Variants in RGS9 observed in about 807,000 individuals in gnomAD.
The protein encoded by RGS9 is regulator of G-protein signalling 9.
A neutral mutation model predicts 102.0 loss-of-function variants in RGS9; 78 were observed. That is an observed-to-expected ratio of 0.76 (90% CI 0.64 to 0.92). RGS9 has a LOEUF of 0.92. Ranked by LOEUF, RGS9 falls within the 40% of genes least tolerant of loss-of-function variation. RGS9 has a pLI of 0.00. For missense variants in RGS9, 833 were observed against 866.1 expected (o/e 0.96, Z 0.48); for synonymous variants, 353 against 318.6 (o/e 1.11, Z -1.15).
chr17:65,180,627 G>C (rs1911845122), intron 9 of RGS9, among the ~76,000 whole-genome samples: 1 of 152,216 alleles, frequency 6.6e-6, no homozygotes. Context: ...TGGGATTACA[G>C]GCATGAACCA....
rs1166176822 is a variant in RGS9 at position 65,139,731 on chromosome 17, C to G, written c.57+2134C>G. ...CCTTCTCTGTGCACTACAGACCTTG[C>G]CACACCTCCAGCATTGCTCTTTCCC... On this transcript the variant is annotated intron_variant, in intron 1 of 18. Coordinates refer to ENST00000262406, the MANE Select transcript of RGS9 (RefSeq NM_003835.4). Among the ~76,000 whole-genome samples, 4 of 152,330 alleles carry G rather than the reference C, an allele frequency of 2.6e-5. No homozygotes were observed. The South Asian group carries it at 8.3e-4, about 32-fold the overall frequency.
chr17:65,167,063 T>G (rs1165705567), intron 7 of RGS9, among the ~76,000 whole-genome samples: 1 of 152,020 alleles, frequency 6.6e-6, no homozygotes, highest in Non-Finnish European at 1.5e-5. Flanking sequence ...TCCGTGGAAA[T>G]GGTACAGAAG....
rs1306015345 is a variant in RGS9 at position 65,227,702 on chromosome 17, A to G, written c.*295A>G. ...AAAAGGTTAACTTTAAGTTTCTTGG[A>G]ATGTTAGTGTGTGTCTGGTTTTGTT... On this transcript the variant is annotated 3_prime_UTR_variant, in exon 19 of 19. Transcript: ENST00000262406. The G allele has an allele frequency of 2.7e-5, 12 of 446,736 alleles. No individual in the cohort carries two copies. Among genetic ancestry groups the G allele is most frequent in the Non-Finnish European group, 5.0e-5 (12 of 240,086 alleles). The allele number at this position is 446,736 out of a possible 1,614,324, so 27.7% of individuals were successfully genotyped here.
At chr17:65,168,353 C>A (rs867577795) in intron 8 of RGS9, 72 bp downstream of exon 8, 2 of 998,118 alleles carry the variant, frequency 2.0e-6, no homozygotes, top group Middle Eastern at 2.6e-4. Flanking sequence ...CTCTCCATAC[C>A]TGTTGCCAAC....
intron 17 of RGS9, among the ~76,000 whole-genome samples, chr17:65,224,398 C>T (rs1240926645): frequency 1.3e-5 from 2 of 152,088 alleles, no homozygotes; most frequent in Non-Finnish European, 2.9e-5. Context: ...TCTTCCTGAC[C>T]ACCCCGGCTC....
At chr17:65,206,309 G>A (rs1913060691) in intron 15 of RGS9, among the ~76,000 whole-genome samples, 1 of 152,132 alleles carries the variant, frequency 6.6e-6, no homozygotes, top group South Asian at 2.1e-4. Context: ...CTTTGTTTTT[G>A]TTACTAGACG....
At chr17:65,160,510 C>T (rs1302806622) in intron 4 of RGS9, 26 bp from the exon 5 acceptor site, 16 of 1,613,964 alleles carry the variant, frequency 9.9e-6, no homozygotes, top group South Asian at 2.2e-5. Flanking sequence ...AGTTTTAAAG[C>T]GTGGTTTCCC....
chr17:65,160,775 C>A (rs1910952895), intron 5 of RGS9, 76 bp from the exon 6 acceptor site: 3 of 1,508,888 alleles, frequency 2.0e-6, no homozygotes, highest in African/African-American at 2.8e-5. Flanking sequence ...CTGAGCACAG[C>A]AGCCTCAGGC....
At position 65,206,679 on chromosome 17, in the gene RGS9, AAAAC is replaced by A. The variant is rs61346542; in HGVS notation, c.1204-1223_1204-1220del. 2.4e-3 allele frequency among the ~76,000 whole-genome samples: 366 copies of A among 152,272 alleles called. 1 individual carries two copies. The highest frequency in any genetic ancestry group is 8.5e-3 in the African/African-American group (351 of 41,524). ...GCGAAAGAGTGAAACTCCGTCTCAA[AAAAC>A]AAACAAACAAACAAACAAAAAAACC... On this transcript the variant is annotated intron_variant, in intron 15 of 18. Coordinates refer to ENST00000262406, the MANE Select transcript of RGS9 (RefSeq NM_003835.4).
chr17:65,204,076 A>G, intron 14 of RGS9, 87 bp from the exon 15 acceptor site: 1 of 1,508,424 alleles, frequency 6.6e-7, no homozygotes, highest in Non-Finnish European at 9.2e-7. Context: ...ACCGATTCGT[A>G]TCAGTCCTTC....
chr17:65,179,426 G>A (rs575402505), intron 9 of RGS9, among the ~76,000 whole-genome samples: 1 of 152,272 alleles, frequency 6.6e-6, no homozygotes, highest in South Asian at 2.1e-4. Context: ...GGCCTTGTAG[G>A]CTTGGTTGCC....
rs1326536514 is a variant in RGS9, at chr17:65,160,748, G to A, written c.365-103G>A. On this transcript the variant is annotated intron_variant, in intron 5 of 18. Coordinates refer to ENST00000262406, the MANE Select transcript of RGS9 (RefSeq NM_003835.4). ...AGGGGCAAGGGGCTGGGTGTGCTGA[G>A]CGTTCTCTCCCCGACTCTGAGCACA... 9 of 1,423,000 alleles carry A rather than the reference G, an allele frequency of 6.3e-6. No individual in the cohort carries two copies. In the East Asian group the frequency reaches 2.1e-4, roughly 33 times the overall value. 88.1% of individuals were successfully genotyped at this position (1,423,000 alleles called of 1,614,324 possible). A position where few individuals can be genotyped will look rare whatever the true frequency, so the allele number is the denominator to read the frequency against.
Position 65,227,661 on chromosome 17 carries a change from C to T in RGS9, c.*254C>T. The T allele has an allele frequency of 1.8e-6, 1 of 543,444 alleles. No individual in the cohort carries two copies. Among genetic ancestry groups the T allele is most frequent in the Non-Finnish European group, 3.3e-6 (1 of 301,368 alleles). 33.7% of individuals were successfully genotyped at this position (543,444 alleles called of 1,614,324 possible). On this transcript the variant is annotated 3_prime_UTR_variant, in exon 19 of 19. Transcript: ENST00000262406. ...CATGTGGACCAGAAGACTTTCCCTG[C>T]TGCCTTAAAACCAATAAAAGGTTAA... is the stretch of plus-strand genomic sequence containing the variant.
At chr17:65,169,019 G>A (rs1911307100) in intron 8 of RGS9, among the ~76,000 whole-genome samples, 1 of 152,190 alleles carries the variant, frequency 6.6e-6, no homozygotes, top group Non-Finnish European at 1.5e-5. Flanking sequence ...GGTAGGAGAT[G>A]TGAATGAGAT....
At chr17:65,160,685 C>A in intron 5 of RGS9, 98 bp downstream of exon 5, 4 of 1,463,994 alleles carry the variant, frequency 2.7e-6, no homozygotes, top group East Asian at 2.3e-5. Context: ...GTCATCATGA[C>A]CTTTCTGTCA....
chr17:65,171,958 C>T (rs71379924), intron 8 of RGS9, among the ~76,000 whole-genome samples: 3 of 152,214 alleles, frequency 2.0e-5, no homozygotes, highest in African/African-American at 7.2e-5. Context: ...GAGGCTGCTT[C>T]CTGGCGGTGG....
At position 65,190,208 on chromosome 17, in the gene RGS9, A is replaced by T. The variant is rs754956306; in HGVS notation, c.718A>T (p.Thr240Ser). 1.8e-5 allele frequency: 29 copies of T among 1,613,852 alleles called. 1 individual carries two copies. In the Admixed American group the frequency reaches 4.2e-4, roughly 23 times the overall value. The change falls in exon 11 of 19, where the codon ACA becomes TCA. Residue 240 changes from threonine (T) to serine (S), a missense_variant. Thr to Ser is a moderately conservative substitution (Grantham distance 58, BLOSUM62 1). Around this residue, in one of 3 missense-constraint regions of RGS9, gnomAD observed 328 missense variants for 340.6 expected, o/e 0.96. Transcript: ENST00000262406. ...MYYQQALMRS[T>S]VKSSVSLGGI... ...TTACCAACAGGCCTTGATGAGGTCCACAGTGAAGTCTTCTGTGTCCCTGGG... is the reference window on the plus strand; with the variant it reads ...TTACCAACAGGCCTTGATGAGGTCCTCAGTGAAGTCTTCTGTGTCCCTGGG...
chr17:65,217,693 G>C (rs1913565832), intron 17 of RGS9, among the ~76,000 whole-genome samples: 1 of 152,078 alleles, frequency 6.6e-6, no homozygotes, highest in Admixed American at 6.6e-5. Flanking sequence ...AGGTGGGGGT[G>C]TTTGCCAAAT....
chr17:65,202,132 A>T, intron 14 of RGS9, 52 bp downstream of exon 14: 1 of 1,260,448 alleles, frequency 7.9e-7, no homozygotes, highest in Non-Finnish European at 1.2e-6. Context: ...TCTGAGGACC[A>T]CCCCATTGTG....
Sources: allele counts gnomAD v4.1 joint callset (sites outside exome capture counted in the v4.1 genomes callset), GRCh38; gene constraint gnomAD v4.1.1; regional missense constraint gnomAD v4.1.1; transcripts MANE v1.5; gene names NCBI Gene and HGNC (gene_info 2026-07-23, HGNC 2026-07-21).